CLNK: variants seen among roughly 807,000 people sequenced by gnomAD.
The protein encoded by CLNK is cytokine-dependent hematopoietic cell linker.
In CLNK, 74 loss-of-function variants were observed where a neutral mutation model predicts 68.6. The ratio of observed to expected loss-of-function variants is 1.08; its 90% confidence interval spans 0.89 to 1.31. The LOEUF (loss-of-function observed/expected upper bound fraction) is 1.31, where lower values mean the gene tolerates loss of function less well. CLNK is among the 50% of genes most tolerant of loss of function. CLNK has a pLI of 0.00. For synonymous variants in CLNK, 198 were observed against 172.2 expected, an observed-to-expected ratio of 1.15 and a Z score of -1.17; for missense variants, 553 against 515.3, an observed-to-expected ratio of 1.07 and a Z score of -0.71.
chr4:10,636,433 C>T (rs751828658), intron 2 of CLNK, among the ~76,000 whole-genome samples: 22 of 152,264 alleles, frequency 1.4e-4, no homozygotes, highest in East Asian at 3.9e-4. Context: ...CTGGAAGATA[C>T]GAGAGAGCAC....
intron 1 of CLNK, among the ~76,000 whole-genome samples, chr4:10,669,397 G>A (rs1724538125): frequency 6.6e-6 from 1 of 152,182 alleles, no homozygotes; most frequent in African/African-American, 2.4e-5. Context: ...GATAATACTT[G>A]AGCTTTGTCT....
the CLNK span, among the ~76,000 whole-genome samples, chr4:10,709,894 C>G: frequency 2.0e-5 from 3 of 152,144 alleles, no homozygotes; most frequent in Non-Finnish European, 2.9e-5. Flanking sequence ...GGCCAACACC[C>G]CTGCTGACAT....
the CLNK span, among the ~76,000 whole-genome samples, chr4:10,714,594 A>G: frequency 6.6e-6 from 1 of 152,148 alleles, no homozygotes; most frequent in Non-Finnish European, 1.5e-5. Context: ...CAAATCATAG[A>G]TCAAAAATCA....
At chr4:10,670,574 A>T (rs899090447) in intron 1 of CLNK, among the ~76,000 whole-genome samples, 2 of 152,242 alleles carry the variant, frequency 1.3e-5, no homozygotes, top group African/African-American at 4.8e-5. Flanking sequence ...GCTGCTTTCC[A>T]GCCCCAGCCC....
At chr4:10,719,710 A>C in the CLNK span, among the ~76,000 whole-genome samples, 5 of 152,206 alleles carry the variant, frequency 3.3e-5, no homozygotes, top group Non-Finnish European at 7.4e-5. Flanking sequence ...CAAAACCATC[A>C]ACCGTAGCAT....
At chr4:10,694,700 G>A in the CLNK span, among the ~76,000 whole-genome samples, 7 of 152,066 alleles carry the variant, frequency 4.6e-5, no homozygotes, top group South Asian at 2.1e-4. Flanking sequence ...GAACTCACCC[G>A]AGTCACTTAG....
At chr4:10,542,154 GAC>G in intron 9 of CLNK, 99 bp downstream of exon 9, 1 of 1,214,942 alleles carries the variant, frequency 8.2e-7, no homozygotes, top group South Asian at 1.4e-5. Flanking sequence ...AGACTTATAA[GAC>G]ATATTTTTCT....
At chr4:10,557,959 T>C (rs1054058718) in intron 8 of CLNK, among the ~76,000 whole-genome samples, 4 of 152,224 alleles carry the variant, frequency 2.6e-5, no homozygotes, top group African/African-American at 4.8e-5. Context: ...CTACTGAAAT[T>C]GATTATTTGC....
At chr4:10,628,555 G>C (rs1258044139) in intron 2 of CLNK, among the ~76,000 whole-genome samples, 1 of 152,180 alleles carries the variant, frequency 6.6e-6, no homozygotes. Context: ...TAGAGCAGAA[G>C]ATGAAAGCTG....
chr4:10,701,370 A>G, the CLNK span, among the ~76,000 whole-genome samples: 1 of 152,144 alleles, frequency 6.6e-6, no homozygotes, highest in Non-Finnish European at 1.5e-5. Flanking sequence ...CCTTTATCAG[A>G]CTGTGTGTGC....
intron 15 of CLNK, among the ~76,000 whole-genome samples, chr4:10,518,777 T>A (rs896468214): frequency 6.6e-6 from 1 of 152,242 alleles, no homozygotes; most frequent in African/African-American, 2.4e-5. Context: ...TATAATAACG[T>A]ACAACTATGG....
At chr4:10,713,925 A>G in the CLNK span, among the ~76,000 whole-genome samples, 1 of 152,200 alleles carries the variant, frequency 6.6e-6, no homozygotes, top group Admixed American at 6.5e-5. Flanking sequence ...GACTAATGCA[A>G]TCCTTTTTTA....
At chr4:10,556,891 C>T (rs1476651697) in intron 8 of CLNK, among the ~76,000 whole-genome samples, 1 of 151,916 alleles carries the variant, frequency 6.6e-6, no homozygotes, top group East Asian at 1.9e-4. Flanking sequence ...GCCTGACCAA[C>T]ATGGTGAAAC....
chr4:10,555,468 G>A lies in CLNK; in HGVS notation c.445+2939C>T, dbSNP rs116130447. 1.9e-3 allele frequency among the ~76,000 whole-genome samples: 293 copies of A among 152,190 alleles called. 1 individual carries two copies. Among genetic ancestry groups the A allele is most frequent in the African/African-American group, 6.1e-3 (255 of 41,522 alleles). ...GATCTATGGTTAATGCTAGTGGTTC[G>A]TCACACATAACTTGTATTGTAAATA... On this transcript the variant is annotated intron_variant, in intron 8 of 18. Coordinates refer to ENST00000226951, the MANE Select transcript of CLNK (RefSeq NM_052964.4).
At chr4:10,573,059 C>A (rs908589901) in intron 4 of CLNK, among the ~76,000 whole-genome samples, 1 of 152,150 alleles carries the variant, frequency 6.6e-6, no homozygotes, top group Admixed American at 6.5e-5. Flanking sequence ...GAACTCCTGA[C>A]CTCAAATGAT....
the CLNK span, among the ~76,000 whole-genome samples, chr4:10,729,755 A>G: frequency 6.6e-6 from 1 of 152,222 alleles, no homozygotes; most frequent in East Asian, 1.9e-4. Context: ...GGAACGTTGC[A>G]AAAGTTTGAA....
chr4:10,680,463 C>T (rs1261412963), intron 1 of CLNK, among the ~76,000 whole-genome samples: 1 of 151,686 alleles, frequency 6.6e-6, no homozygotes, highest in Non-Finnish European at 1.5e-5. Context: ...CACATGTATA[C>T]ATATGTAACA....
chr4:10,715,901 G>A, the CLNK span, among the ~76,000 whole-genome samples: 5 of 152,182 alleles, frequency 3.3e-5, no homozygotes, highest in African/African-American at 1.2e-4. Flanking sequence ...TTAAGAGCTC[G>A]TAGCTGCTTG....
the CLNK span, among the ~76,000 whole-genome samples, chr4:10,706,265 C>T: frequency 2.6e-5 from 4 of 152,224 alleles, no homozygotes; most frequent in Non-Finnish European, 5.9e-5. Flanking sequence ...ACCCTCTGAA[C>T]TCCTAAACCT....
Sources: allele counts gnomAD v4.1 joint callset (sites outside exome capture counted in the v4.1 genomes callset), GRCh38; gene constraint gnomAD v4.1.1; transcripts MANE v1.5; gene names NCBI Gene and HGNC (gene_info 2026-07-23, HGNC 2026-07-21).